The following HS2ST1 variants were observed in gnomAD, a reference collection of about 807,000 sequenced individuals.
HS2ST1 encodes the protein 2-O-sulfotransferase.
In HS2ST1, 18 loss-of-function variants were observed where a neutral mutation model predicts 42.9. The observed-to-expected ratio is 0.42, with a 90% CI of 0.29 to 0.62. HS2ST1 has a LOEUF of 0.62. Among genes scored for constraint, HS2ST1 ranks in the 20% least tolerant of loss-of-function variants. The pLI is 0.21. For synonymous variants in HS2ST1, 146 were observed against 152.9 expected, an observed-to-expected ratio of 0.95 and a Z score of 0.33; for missense variants, 334 against 433.8, an observed-to-expected ratio of 0.77 and a Z score of 2.04.
At chr1:86,965,756 C>T (rs1356157691) in intron 1 of HS2ST1, among the ~76,000 whole-genome samples, 1 of 152,054 alleles carries the variant, frequency 6.6e-6, no homozygotes, top group African/African-American at 2.4e-5. Context: ...ATAGTCCTCA[C>T]ATTTTTAGAT....
At chr1:87,010,025 ACT>A (rs201030576) in intron 1 of HS2ST1, among the ~76,000 whole-genome samples, 3,625 of 146,688 alleles carry the variant, frequency 0.025, 127 homozygotes, top group African/African-American at 0.084. Context: ...ACAAAGGGAG[ACT>A]CTGTCTCAAA....
At chr1:87,037,004 A>G (rs1160020110) in intron 1 of HS2ST1, among the ~76,000 whole-genome samples, 2 of 152,130 alleles carry the variant, frequency 1.3e-5, no homozygotes, top group African/African-American at 4.8e-5. Flanking sequence ...ATTAAACCTT[A>G]GGTAATAAAG....
rs1446570009 is a variant in HS2ST1, at chr1:86,985,397, CACATATATAT to C, written c.124+70241_124+70250del. Among the ~76,000 whole-genome samples the C allele has an allele frequency of 1.4e-3, 48 of 33,516 alleles. 1 individual carries two copies. Among genetic ancestry groups the C allele is most frequent in the African/African-American group, 2.8e-3 (46 of 16,400 alleles). 22.0% of individuals were successfully genotyped at this position (33,516 alleles called of 152,430 possible). A position where few individuals can be genotyped will look rare whatever the true frequency, so the allele number is the denominator to read the frequency against. On this transcript the variant is annotated intron_variant, in intron 1 of 6. Transcript: ENST00000370550. ...ATATATATATATACACACACACACA[CACATATATAT>C]ACACATATATATACACATATATACA...
intron 1 of HS2ST1, among the ~76,000 whole-genome samples, chr1:87,009,798 G>C (rs1478747297): frequency 6.6e-6 from 1 of 152,036 alleles, no homozygotes; most frequent in East Asian, 1.9e-4. Flanking sequence ...ACTTTGGGAG[G>C]CCGAGGCGGG....
chr1:86,996,414 C>G (rs1166759964), intron 1 of HS2ST1, among the ~76,000 whole-genome samples: 1 of 144,454 alleles, frequency 6.9e-6, no homozygotes, highest in Non-Finnish European at 1.5e-5. Flanking sequence ...TGCACTCCAG[C>G]CTGGGCAACA....
chr1:87,049,276 CT>C (rs891391321), intron 1 of HS2ST1, among the ~76,000 whole-genome samples: 121 of 150,474 alleles, frequency 8.0e-4, no homozygotes, highest in African/African-American at 2.2e-3. Context: ...TGTATCTTCC[CT>C]TTTTTTTTCT....
chr1:87,096,166 A>G (rs1441900159), intron 4 of HS2ST1, among the ~76,000 whole-genome samples: 2 of 152,190 alleles, frequency 1.3e-5, no homozygotes, highest in South Asian at 4.1e-4. Context: ...AATTGCGGCT[A>G]TTCTTTAATA....
At chr1:86,967,891 G>A (rs1212299038) in intron 1 of HS2ST1, among the ~76,000 whole-genome samples, 5 of 152,132 alleles carry the variant, frequency 3.3e-5, no homozygotes, top group Non-Finnish European at 5.9e-5. Flanking sequence ...TTCCATAGAG[G>A]CTGCACTAAT....
At chr1:87,009,716 C>T (rs1387827765) in intron 1 of HS2ST1, among the ~76,000 whole-genome samples, 1 of 152,056 alleles carries the variant, frequency 6.6e-6, no homozygotes, top group East Asian at 1.9e-4. Flanking sequence ...GGTGTGATAG[C>T]AGGACCTGTG....
chr1:86,960,422 A>G (rs1647803606), intron 1 of HS2ST1, among the ~76,000 whole-genome samples: 1 of 152,204 alleles, frequency 6.6e-6, no homozygotes, highest in Admixed American at 6.5e-5. Flanking sequence ...CATGAAAGAA[A>G]GACGTTGTTA....
At chr1:87,096,686 C>T (rs1271860336) in intron 4 of HS2ST1, among the ~76,000 whole-genome samples, 1 of 152,138 alleles carries the variant, frequency 6.6e-6, no homozygotes, top group African/African-American at 2.4e-5. Context: ...TCCCCCATAC[C>T]TCAGCTGTGA....
rs1652409578 is a variant in HS2ST1, at chr1:87,109,194, C to T, written c.*4498C>T. The T allele has an allele frequency of 6.6e-6, 1 of 152,436 alleles. No homozygotes were observed. Among genetic ancestry groups the T allele is most frequent in the Non-Finnish European group, 1.5e-5 (1 of 67,956 alleles). The allele number at this position is 152,436 out of a possible 1,614,324, so 9.4% of individuals were successfully genotyped here. A position where few individuals can be genotyped will look rare whatever the true frequency, so the allele number is the denominator to read the frequency against. ...AGTGGGAAGGGGAAAAATTGGTGTC[C>T]TGTTTTAATATTTTCTTTTGTAGCC... is the stretch of plus-strand genomic sequence containing the variant. On this transcript the variant is annotated 3_prime_UTR_variant, in exon 7 of 7. Coordinates refer to ENST00000370550, the MANE Select transcript of HS2ST1 (RefSeq NM_012262.4).
chr1:87,069,478 A>C (rs1268749929), intron 1 of HS2ST1, among the ~76,000 whole-genome samples: 1 of 152,250 alleles, frequency 6.6e-6, no homozygotes, highest in Non-Finnish European at 1.5e-5. Context: ...TAAATAAAGA[A>C]AATGACCATA....
At chr1:87,045,521 T>C in intron 1 of HS2ST1, 2 of 844,680 alleles carry the variant, frequency 2.4e-6, no homozygotes, top group Non-Finnish European at 4.2e-6. Flanking sequence ...TGCTGGCACA[T>C]ATGTAACAAT....
intron 1 of HS2ST1, among the ~76,000 whole-genome samples, chr1:86,996,521 T>C (rs1444321345): frequency 1.3e-5 from 2 of 151,800 alleles, no homozygotes; most frequent in African/African-American, 4.8e-5. Flanking sequence ...CAGGTACATG[T>C]AGCCCATCTT....
intron 1 of HS2ST1, among the ~76,000 whole-genome samples, chr1:87,021,294 G>A (rs1411776624): frequency 6.6e-6 from 1 of 152,110 alleles, no homozygotes; most frequent in Non-Finnish European, 1.5e-5. Context: ...TTTAGACCTT[G>A]TTCAGAATCC....
intron 1 of HS2ST1, among the ~76,000 whole-genome samples, chr1:87,022,594 A>C (rs2100588769): frequency 6.6e-6 from 1 of 152,260 alleles, no homozygotes. Flanking sequence ...CTTGAAAAAG[A>C]CCTGAACTTT....
intron 1 of HS2ST1, chr1:87,044,928 G>A: frequency 1.3e-6 from 2 of 1,553,030 alleles, no homozygotes; most frequent in Non-Finnish European, 8.7e-7. Flanking sequence ...AGGCATTTCT[G>A]TTCAATCTAA....
intron 1 of HS2ST1, chr1:87,046,610 G>C: frequency 1.3e-6 from 2 of 1,578,048 alleles, no homozygotes; most frequent in Non-Finnish European, 1.7e-6. Flanking sequence ...CTGGGCTGAA[G>C]TACAAAGTCA....
Sources: gnomAD v4.1 joint callset for allele counts (sites outside exome capture counted in the v4.1 genomes callset) on GRCh38, gnomAD v4.1.1 for gene constraint, MANE v1.5 for transcripts, NCBI Gene and HGNC (gene_info 2026-07-23, HGNC 2026-07-21) for gene names.